The following HDAC9 variants were observed in gnomAD, a reference collection of about 807,000 sequenced individuals.
HDAC9 encodes MEF-2 interacting transcription repressor (MITR) protein.
In HDAC9, 41 loss-of-function variants were observed where a neutral mutation model predicts 139.4. The observed-to-expected ratio is 0.29, with a 90% CI of 0.23 to 0.38. The LOEUF (loss-of-function observed/expected upper bound fraction) is 0.38, where lower values mean the gene tolerates loss of function less well. Among genes scored for constraint, HDAC9 ranks in the 10% least tolerant of loss-of-function variants. HDAC9 has a pLI of 1.00. For synonymous variants in HDAC9, 517 were observed against 476.2 expected (o/e 1.09, Z -1.12); for missense variants, 1,147 against 1,297.0 (o/e 0.88, Z 1.78).
intron 2 of HDAC9, among the ~76,000 whole-genome samples, chr7:18,582,467 ACTTTAAGAGG>A (rs1385262763): frequency 6.6e-6 from 1 of 152,104 alleles, no homozygotes; most frequent in East Asian, 1.9e-4. Context: ...GAAGCCTGGG[ACTTTAAGAGG>A]CTTGATAAAT....
chr7:18,366,756 C>A (rs558241953), intron 1 of HDAC9, among the ~76,000 whole-genome samples: 10 of 152,180 alleles, frequency 6.6e-5, no homozygotes, highest in African/African-American at 2.4e-4. Context: ...TAAAAGAAAT[C>A]CTCATAGCTA....
intron 25 of HDAC9, among the ~76,000 whole-genome samples, chr7:18,990,089 GCTGGT>G (rs1785747691): frequency 1.3e-5 from 2 of 152,144 alleles, no homozygotes; most frequent in African/African-American, 2.4e-5. Flanking sequence ...TTGTTCCATT[GCTGGT>G]GAGGAACTGA....
chr7:18,868,424 G>C (rs1798654705), intron 21 of HDAC9, among the ~76,000 whole-genome samples: 2 of 152,194 alleles, frequency 1.3e-5, no homozygotes, highest in Admixed American at 1.3e-4. Flanking sequence ...TGAGTGTGTT[G>C]CTTGGTTGCT....
chr7:18,261,334 A>T (rs2128206815), intron 2 of HDAC9, among the ~76,000 whole-genome samples: 1 of 152,138 alleles, frequency 6.6e-6, no homozygotes, highest in South Asian at 2.1e-4. Context: ...ATAAAATAAA[A>T]CATAGTTGTT....
intron 2 of HDAC9, among the ~76,000 whole-genome samples, chr7:18,550,354 CT>C (rs1433401961): frequency 6.6e-6 from 1 of 152,124 alleles, no homozygotes; most frequent in Non-Finnish European, 1.5e-5. Flanking sequence ...TCCATTCATC[CT>C]GTTCTGTTCC....
At chr7:18,646,445 G>C (rs779946840) in intron 9 of HDAC9, among the ~76,000 whole-genome samples, 1 of 152,078 alleles carries the variant, frequency 6.6e-6, no homozygotes, top group Non-Finnish European at 1.5e-5. Flanking sequence ...GTGTGGATGA[G>C]GCCATCACAA....
intron 1 of HDAC9, among the ~76,000 whole-genome samples, chr7:18,358,119 G>T (rs1250107629): frequency 6.6e-6 from 1 of 152,152 alleles, no homozygotes; most frequent in Non-Finnish European, 1.5e-5. Context: ...AACCCCGGAG[G>T]CAGAGGTTGC....
chr7:18,969,781 T>TA, intron 24 of HDAC9, among the ~76,000 whole-genome samples: 1 of 152,296 alleles, frequency 6.6e-6, no homozygotes. Flanking sequence ...GTTGAAGACA[T>TA]AGCAGCATCT....
At chr7:18,950,774 C>G (rs1276251888) in intron 23 of HDAC9, among the ~76,000 whole-genome samples, 1 of 151,466 alleles carries the variant, frequency 6.6e-6, no homozygotes, top group Non-Finnish European at 1.5e-5. Context: ...TAAGGTTTTA[C>G]CAATTCAAAG....
intron 22 of HDAC9, among the ~76,000 whole-genome samples, chr7:18,881,356 G>A (rs748969192): frequency 6.6e-6 from 1 of 152,012 alleles, no homozygotes; most frequent in Non-Finnish European, 1.5e-5. Flanking sequence ...TGGATTCTAA[G>A]GTCCTCTCTT....
chr7:18,585,371 A>G lies in HDAC9; in HGVS notation c.113A>G (p.Asp38Gly). The change falls in exon 3 of 26, where the codon GAC becomes GGC. Residue 38 changes from aspartate (D) to glycine (G), a missense_variant. By Grantham distance (94) the Asp-to-Gly change is moderately conservative. Coordinates refer to ENST00000686413, the MANE Select transcript of HDAC9 (RefSeq NM_178425.4). ...TDLRMMMPVV[D>G]PVVREKQLQQ... ...CTCAGGATGATGATGCCCGTGGTGGACCCTGTTGTCCGTGAGAAGCAATTG... is the reference window on the plus strand; with the variant it reads ...CTCAGGATGATGATGCCCGTGGTGGGCCCTGTTGTCCGTGAGAAGCAATTG... 2 of 1,613,760 alleles carry G rather than the reference A, an allele frequency of 1.2e-6. No homozygotes were observed. The highest frequency in any genetic ancestry group is 1.7e-6 in the Non-Finnish European group (2 of 1,179,864).
chr7:18,572,331 AATATGACTATTTGTCATATTCAAAT>A (rs1824574196), intron 2 of HDAC9, among the ~76,000 whole-genome samples: 1 of 151,214 alleles, frequency 6.6e-6, no homozygotes, highest in Non-Finnish European at 1.5e-5. Flanking sequence ...CATATTCACA[AATATGACTATTTGTCATATTCAAAT>A]ATGACAAATA....
intron 1 of HDAC9, among the ~76,000 whole-genome samples, chr7:18,460,407 G>A (rs886990191): frequency 6.6e-6 from 1 of 151,976 alleles, no homozygotes; most frequent in African/African-American, 2.4e-5. Flanking sequence ...TAGAATTATG[G>A]TAAATAGCAA....
At chr7:18,111,829 G>A (rs1446043299) in intron 1 of HDAC9, among the ~76,000 whole-genome samples, 1 of 152,168 alleles carries the variant, frequency 6.6e-6, no homozygotes, top group Non-Finnish European at 1.5e-5. Flanking sequence ...AATGTAAGAG[G>A]TGCCATGGGC....
At chr7:18,344,630 A>C (rs530887804) in intron 1 of HDAC9, among the ~76,000 whole-genome samples, 12 of 152,104 alleles carry the variant, frequency 7.9e-5, no homozygotes, top group African/African-American at 2.9e-4. Context: ...TTTTCAGGGA[A>C]GATAGAATCC....
At position 18,361,818 on chromosome 7, in the gene HDAC9, G is replaced by GA. The variant is rs200411524; in HGVS notation, c.-42+71314dup. On this transcript the variant is annotated intron_variant, in intron 1 of 3. Transcript: ENST00000413509. The stretch of plus-strand genomic sequence containing the variant: ...ATTTCGTTTATTGCAAGGAGAGAGA[G>GA]AAAAAAAAAAACATTCTGGCATAAA... 6.0e-3 allele frequency among the ~76,000 whole-genome samples: 876 copies of GA among 145,044 alleles called. 9 individuals carry two copies. The highest frequency in any genetic ancestry group is 0.019 in the African/African-American group (772 of 39,930).
intron 1 of HDAC9, among the ~76,000 whole-genome samples, chr7:18,302,763 C>T (rs1798625716): frequency 6.6e-6 from 1 of 152,116 alleles, no homozygotes; most frequent in African/African-American, 2.4e-5. Flanking sequence ...TAGACAGTGT[C>T]TAGTCTATAG....
At chr7:18,354,795 C>A (rs1433489359) in intron 1 of HDAC9, among the ~76,000 whole-genome samples, 1 of 152,198 alleles carries the variant, frequency 6.6e-6, no homozygotes, top group East Asian at 1.9e-4. Context: ...GAGGGAAATG[C>A]CCTTCAGAAG....
chr7:18,765,570 A>C (rs1163999802), intron 15 of HDAC9, among the ~76,000 whole-genome samples: 1 of 152,128 alleles, frequency 6.6e-6, no homozygotes, highest in East Asian at 1.9e-4. Context: ...GCACCACTGC[A>C]CTCTAGCCTA....
Sources: gnomAD v4.1 joint callset for allele counts (sites outside exome capture counted in the v4.1 genomes callset) on GRCh38, gnomAD v4.1.1 for gene constraint, MANE v1.5 for transcripts, NCBI Gene and HGNC (gene_info 2026-07-23, HGNC 2026-07-21) for gene names.